The following UBE3D variants were observed in gnomAD, a reference collection of about 807,000 sequenced individuals.
UBE3D encodes ubiquitin protein ligase E3D.
In UBE3D, 48 loss-of-function variants were observed where a neutral mutation model predicts 49.6. The observed-to-expected ratio is 0.97, with a 90% confidence interval of 0.77 to 1.23. The LOEUF (loss-of-function observed/expected upper bound fraction) is 1.23. Among genes scored for constraint, UBE3D ranks in the 50% most tolerant of loss-of-function variants. The pLI, the probability that UBE3D is intolerant of heterozygous loss-of-function variation, is 0.00. For missense variants in UBE3D, 452 were observed against 468.4 expected (o/e 0.96, Z 0.32); for synonymous variants, 189 against 174.2 (o/e 1.08, Z -0.67).
intron 9 of UBE3D, among the ~76,000 whole-genome samples, chr6:82,925,449 C>A (rs569623259): frequency 6.6e-6 from 1 of 152,096 alleles, no homozygotes; most frequent in Admixed American, 6.6e-5. Flanking sequence ...GACAGCAGCA[C>A]GTGATGAGAC....
rs1773007945 is a variant in UBE3D, at chr6:82,917,494, T to A, written c.1150-24452A>T. 2.0e-5 allele frequency among the ~76,000 whole-genome samples: 3 copies of A among 152,132 alleles called. No homozygotes were observed. The South Asian group carries it at 6.2e-4, about 31-fold the overall frequency. ...CAGAAGGTAGCTAGCTACATGCCGA[T>A]AGGGAAGGAAAGAGGGCAAAGGTGA... On this transcript the variant is annotated intron_variant, in intron 9 of 9. Transcript: ENST00000369747.
chr6:82,908,139 A>G (rs1023398521), intron 9 of UBE3D, among the ~76,000 whole-genome samples: 2 of 152,220 alleles, frequency 1.3e-5, no homozygotes, highest in African/African-American at 4.8e-5. Flanking sequence ...TATAGACAAA[A>G]TGAATCTAAG....
chr6:82,919,249 G>A (rs990304645), intron 9 of UBE3D, among the ~76,000 whole-genome samples: 5 of 151,952 alleles, frequency 3.3e-5, no homozygotes, highest in African/African-American at 1.2e-4. Flanking sequence ...ATAAGAAGAG[G>A]GGTGGGTTAA....
intron 9 of UBE3D, among the ~76,000 whole-genome samples, chr6:82,952,057 A>C (rs1003601374): frequency 2.6e-5 from 4 of 152,190 alleles, no homozygotes; most frequent in African/African-American, 9.6e-5. Context: ...TTCCTCAACT[A>C]GGAGGATCAC....
At chr6:82,920,942 ATTT>A (rs377206246) in intron 9 of UBE3D, among the ~76,000 whole-genome samples, 8 of 136,778 alleles carry the variant, frequency 5.8e-5, no homozygotes, top group African/African-American at 8.2e-5. Context: ...AAAAATGCTG[ATTT>A]TTTTTTTTTT....
At chr6:82,893,534 C>T (rs1021611746) in intron 9 of UBE3D, among the ~76,000 whole-genome samples, 2 of 152,122 alleles carry the variant, frequency 1.3e-5, no homozygotes, top group Non-Finnish European at 2.9e-5. Context: ...CACAGTCTTA[C>T]GAACAAACTA....
At chr6:82,967,761 C>T (rs1259436301) in intron 8 of UBE3D, among the ~76,000 whole-genome samples, 3 of 151,798 alleles carry the variant, frequency 2.0e-5, no homozygotes, top group Non-Finnish European at 2.9e-5. Flanking sequence ...CCCACCTTAA[C>T]CTCCTGAGAA....
intron 9 of UBE3D, among the ~76,000 whole-genome samples, chr6:82,931,271 G>T (rs1158802760): frequency 1.3e-5 from 2 of 152,248 alleles, no homozygotes; most frequent in Admixed American, 6.5e-5. Context: ...CAGGGGTGGA[G>T]CCCTCATGGA....
At chr6:82,957,070 T>A (rs1034264493) in intron 9 of UBE3D, among the ~76,000 whole-genome samples, 36 of 151,968 alleles carry the variant, frequency 2.4e-4, no homozygotes, top group Admixed American at 1.3e-3. Context: ...CGGAGGCTGC[T>A]GTGAGCCGAG....
chr6:82,940,158 C>T (rs1019249485), intron 9 of UBE3D, among the ~76,000 whole-genome samples: 3 of 152,180 alleles, frequency 2.0e-5, no homozygotes, highest in Admixed American at 1.3e-4. Flanking sequence ...CCATCCTCCA[C>T]ATTCTCTCTA....
intron 9 of UBE3D, among the ~76,000 whole-genome samples, chr6:82,905,493 T>C (rs1004206818): frequency 6.6e-6 from 1 of 152,120 alleles, no homozygotes; most frequent in African/African-American, 2.4e-5. Context: ...CCTGTCTTTC[T>C]CCCTCTCCTA....
chr6:82,927,056 G>C (rs1254867439), intron 9 of UBE3D, among the ~76,000 whole-genome samples: 1 of 151,980 alleles, frequency 6.6e-6, no homozygotes, highest in Non-Finnish European at 1.5e-5. Flanking sequence ...TAGATTCATT[G>C]TTTTTGTACG....
chr6:83,055,625 G>A (rs915609776), intron 2 of UBE3D, among the ~76,000 whole-genome samples: 3 of 152,176 alleles, frequency 2.0e-5, no homozygotes, highest in African/African-American at 7.2e-5. Flanking sequence ...GGAATCCTGG[G>A]AGAGCGTTGC....
chr6:82,958,133 T>G (rs1204591269), intron 8 of UBE3D, among the ~76,000 whole-genome samples: 1 of 152,124 alleles, frequency 6.6e-6, no homozygotes, highest in Non-Finnish European at 1.5e-5. Context: ...AACCAAGGGC[T>G]AGAGAAGTAA....
In UBE3D at chr6:83,011,944, T is replaced by C. The variant is rs138830135; in HGVS notation, c.1010+7029A>G. On this transcript the variant is annotated intron_variant, in intron 8 of 9. Coordinates refer to ENST00000369747, the MANE Select transcript of UBE3D (RefSeq NM_198920.3). The stretch of plus-strand genomic sequence containing the variant: ...ATATATTGGATGCTGATTCAGAGCA[T>C]ACACGGCCTTCTGGAGAACTTTGCC... Among the ~76,000 whole-genome samples, 66 of 152,260 alleles carry C rather than the reference T, an allele frequency of 4.3e-4. No homozygotes were observed. In the East Asian group the frequency reaches 9.9e-3, roughly 23 times the overall value.
chr6:83,050,970 C>A (rs1783431074), intron 3 of UBE3D, among the ~76,000 whole-genome samples: 1 of 152,208 alleles, frequency 6.6e-6, no homozygotes, highest in Admixed American at 6.5e-5. Context: ...AAAGGGAATT[C>A]ATTTCCTCGG....
intron 8 of UBE3D, among the ~76,000 whole-genome samples, chr6:83,004,949 A>C (rs1779871646): frequency 1.3e-5 from 2 of 152,230 alleles, no homozygotes. Context: ...TGGAAATGAC[A>C]CTAAAAGCAC....
intron 8 of UBE3D, among the ~76,000 whole-genome samples, chr6:83,015,232 G>A (rs965234253): frequency 2.6e-5 from 4 of 152,172 alleles, no homozygotes; most frequent in Non-Finnish European, 5.9e-5. Context: ...CAAAGCATTG[G>A]TCAAGGGTAT....
At chr6:82,912,627 A>G (rs1772613937) in intron 9 of UBE3D, among the ~76,000 whole-genome samples, 1 of 152,202 alleles carries the variant, frequency 6.6e-6, no homozygotes, top group Non-Finnish European at 1.5e-5. Flanking sequence ...GGAAAGTTAT[A>G]TGATGTTTTG....
Sources: allele counts gnomAD v4.1 joint callset (sites outside exome capture counted in the v4.1 genomes callset), GRCh38; gene constraint gnomAD v4.1.1; transcripts MANE v1.5; gene names NCBI Gene and HGNC (gene_info 2026-07-23, HGNC 2026-07-21).